DEDD2: variants seen among roughly 807,000 people sequenced by gnomAD.
The protein encoded by DEDD2 is death effector domain containing 2, also known as DNA-binding death effector domain-containing protein 2.
DEDD2 carries 18 observed loss-of-function variants against 28.9 expected under a neutral mutation model. The ratio of observed to expected loss-of-function variants is 0.62; its 90% CI spans 0.43 to 0.92. The LOEUF (loss-of-function observed/expected upper bound fraction) is 0.92. Ranked by LOEUF, DEDD2 falls within the 40% of genes least tolerant of loss-of-function variation. The pLI is 0.00. For synonymous variants in DEDD2, 211 were observed against 206.1 expected, an observed-to-expected ratio of 1.02 and a Z score of -0.20; for missense variants, 411 against 463.3, an observed-to-expected ratio of 0.89 and a Z score of 1.04.
At chr19:42,218,245 C>T (rs1788999167), upstream of DEDD2, among the ~76,000 whole-genome samples, 1 of 150,908 alleles carries the variant, frequency 6.6e-6, no homozygotes, top group South Asian at 2.1e-4. Context: ...CCCACCACCA[C>T]CCCCGCAGTC....
Position 42,217,024 on chromosome 19 carries a change from C to A in DEDD2, c.-17G>T, listed in dbSNP as rs773779018. ...TAGCGCCATTCCCGGGGGAGGGAGG[C>A]GGAACAAGCTCAGAACCCGGCCTAG... On this transcript the variant is annotated 5_prime_UTR_variant, in exon 2 of 5. Transcript: ENST00000596251. 3.2e-6 allele frequency: 5 copies of A among 1,563,910 alleles called. No homozygotes were observed. The Admixed American group carries it at 5.7e-5, about 18-fold the overall frequency.
chr19:42,216,884 G>C lies in DEDD2; in HGVS notation c.124C>G (p.Leu42Val), dbSNP rs147223526. ...TCCAGCAGAAAGGCCAGGAGCTCCA[G>C]CTCGCACTCGGTCAGTTGCCCGCCC... is the stretch of plus-strand genomic sequence containing the variant. ...VVGGQLTECELELLAFLLDEA... is the reference protein window; with the variant it reads ...VVGGQLTECEVELLAFLLDEA... The change falls in exon 2 of 5, where the codon CTG becomes GTG. Residue 42 changes from leucine (L) to valine (V), a missense_variant. Leu to Val is a conservative substitution (Grantham distance 32). Transcript: ENST00000596251. The C allele has an allele frequency of 1.3e-6, 2 of 1,598,152 alleles. No homozygotes were observed. The highest frequency in any genetic ancestry group is 1.3e-5 in the African/African-American group (1 of 74,438).
chr19:42,199,365 G>T lies in DEDD2; in HGVS notation c.*73C>A. On this transcript the variant is annotated 3_prime_UTR_variant, in exon 5 of 5. Transcript: ENST00000596251. The surrounding 1 kb of genome is among the most constrained non-coding windows in gnomAD (Gnocchi z 7.4). ...ATGCTAGAGTGACAGTCCTCTAGGG[G>T]TAGAGATGGTCGTCCTCCCAGGAGA... The T allele has an allele frequency of 2.0e-6, 3 of 1,465,342 alleles. No individual in the cohort carries two copies. Among genetic ancestry groups the T allele is most frequent in the Non-Finnish European group, 2.7e-6 (3 of 1,113,398 alleles). 90.8% of individuals were successfully genotyped at this position (1,465,342 alleles called of 1,614,324 possible). A position where few individuals can be genotyped will look rare whatever the true frequency, so the allele number is the denominator to read the frequency against.
intron 3 of DEDD2, among the ~76,000 whole-genome samples, chr19:42,210,652 C>CAAAT (rs1449150648): frequency 6.6e-6 from 1 of 152,088 alleles, no homozygotes; most frequent in Non-Finnish European, 1.5e-5. Flanking sequence ...CCTCGGCCTC[C>CAAAT]CAAAGTGCTG....
chr19:42,213,086 A>G (rs1296569222), intron 3 of DEDD2, among the ~76,000 whole-genome samples: 1 of 152,220 alleles, frequency 6.6e-6, no homozygotes, highest in Non-Finnish European at 1.5e-5. Context: ...AGCCCAGGAC[A>G]TCTTGCAGTG....
intron 2 of DEDD2, among the ~76,000 whole-genome samples, chr19:42,216,367 G>A (rs2035967951): frequency 6.6e-6 from 1 of 152,240 alleles, no homozygotes; most frequent in Non-Finnish European, 1.5e-5. Flanking sequence ...AGTGAAGACA[G>A]TAACAGGACT....
At position 42,199,711 on chromosome 19, in the gene DEDD2, G is replaced by A. The variant is rs776679879; in HGVS notation, c.708C>T (p.Thr236=). Residue 236 remains threonine (T), a synonymous_variant, in exon 5 of 5, where the codon ACC becomes ACT. Transcript: ENST00000596251. This position sits in a 1 kb window ranked among gnomAD's most constrained non-coding sequence, Gnocchi z 7.4. ...ARQLDVFGQA[T]AVLRSRDLGS... is the part of the protein sequence containing the mutation. ...CCAGGTCCCTTGAGCGCAGCACTGCGGTGGCCTGCCCAAACACGTCCAGCT... is the reference window on the plus strand; with the variant it reads ...CCAGGTCCCTTGAGCGCAGCACTGCAGTGGCCTGCCCAAACACGTCCAGCT... The A allele has an allele frequency of 8.7e-6, 14 of 1,613,940 alleles. No homozygotes were observed. The highest frequency in any genetic ancestry group is 3.3e-5 in the South Asian group (3 of 91,090).
In DEDD2 at chr19:42,216,773, C is replaced by T; in HGVS notation, c.235G>A (p.Asp79Asn). The T allele has an allele frequency of 6.3e-7, 1 of 1,590,530 alleles. No homozygotes were observed. The highest frequency in any genetic ancestry group is 1.1e-5 in the South Asian group (1 of 88,596). Reference protein sequence around the residue: ...LLELERRGQCDESNLRLLGQL... With the variant: ...LLELERRGQCNESNLRLLGQL... Reference sequence around the variant, plus strand: ...CCCAGCAGCCGCAGGTTGCTCTCGTCGCACTGCCCGCGGCGCTCCAGCTCC... The same window carrying T: ...CCCAGCAGCCGCAGGTTGCTCTCGTTGCACTGCCCGCGGCGCTCCAGCTCC... The change falls in exon 2 of 5, where the codon GAC (aspartate) becomes AAC (asparagine). Residue 79 changes from aspartate to asparagine, a missense_variant. Transcript: ENST00000596251.
intron 3 of DEDD2, among the ~76,000 whole-genome samples, chr19:42,212,546 C>T (rs1485808440): frequency 1.3e-5 from 2 of 151,108 alleles, no homozygotes; most frequent in Non-Finnish European, 3.0e-5. Context: ...CTCACTGCAA[C>T]CTCCACCTTC....
At position 42,199,696 on chromosome 19, in the gene DEDD2, T is replaced by C; in HGVS notation, c.723A>G (p.Ser241=). ...VFGQATAVLR[S]RDLGSVVCDI... ...CACAAACCACAGAGCCCAGGTCCCT[T>C]GAGCGCAGCACTGCGGTGGCCTGCC... Residue 241 remains serine (S), a synonymous_variant, in exon 5 of 5, where the codon TCA becomes TCG. Coordinates refer to ENST00000596251, the MANE Select transcript of DEDD2 (RefSeq NM_133328.4). The surrounding 1 kb of genome is among the most constrained non-coding windows in gnomAD (Gnocchi z 7.4). The C allele has an allele frequency of 6.2e-7, 1 of 1,614,120 alleles. No homozygotes were observed. Among genetic ancestry groups the C allele is most frequent in the Non-Finnish European group, 8.5e-7 (1 of 1,179,966 alleles).
chr19:42,212,087 T>C (rs961104329), intron 3 of DEDD2: 1 of 149,022 alleles, frequency 6.7e-6, no homozygotes, highest in South Asian at 2.1e-4. Context: ...AAAGTCTGGC[T>C]GGGAGCAGTG....
chr19:42,199,430 G>C lies in DEDD2; in HGVS notation c.*8C>G. The C allele has an allele frequency of 6.3e-7, 1 of 1,591,346 alleles. No homozygotes were observed. Among genetic ancestry groups the C allele is most frequent in the Non-Finnish European group, 8.5e-7 (1 of 1,171,842 alleles). ...CTTGGAGGTGGGATCAATCCTGCCA[G>C]TCCTGGATCAGGAGGCCTCTGTCGG... On this transcript the variant is annotated 3_prime_UTR_variant, in exon 5 of 5. Transcript: ENST00000596251. The surrounding 1 kb of genome is among the most constrained non-coding windows in gnomAD (Gnocchi z 7.4).
upstream of DEDD2, among the ~76,000 whole-genome samples, chr19:42,219,275 G>C (rs2036085613): frequency 1.3e-5 from 2 of 150,918 alleles, no homozygotes; most frequent in Non-Finnish European, 2.9e-5. Context: ...TTGCACTCCA[G>C]TCCGGGCAAC....
rs534995445 is a variant in DEDD2, at chr19:42,199,852, T to A, written c.590-23A>T. On this transcript the variant is annotated intron_variant, in intron 4 of 4. Transcript: ENST00000596251. The surrounding 1 kb of genome is among the most constrained non-coding windows in gnomAD (Gnocchi z 7.4). ...TGTCTGCAGGGGAAGGAGGGATTTG[T>A]CAGGGAGGGGGCCAACACTAGACAC... 8.0e-5 allele frequency: 125 copies of A among 1,565,560 alleles called. 1 individual carries two copies. In the South Asian group the frequency reaches 1.3e-3, roughly 17 times the overall value.
chr19:42,214,009 C>G (rs1302859369), intron 3 of DEDD2, among the ~76,000 whole-genome samples: 1 of 152,172 alleles, frequency 6.6e-6, no homozygotes, highest in Admixed American at 6.5e-5. Context: ...ATCCTGATGT[C>G]TGTAATTTAC....
At chr19:42,219,089 G>A (rs1369986708), upstream of DEDD2, among the ~76,000 whole-genome samples, 1 of 152,188 alleles carries the variant, frequency 6.6e-6, no homozygotes, top group Non-Finnish European at 1.5e-5. Context: ...CGGATCACCT[G>A]AGGTCGGGAG....
chr19:42,214,491 G>C (rs887141161), intron 3 of DEDD2, among the ~76,000 whole-genome samples: 2 of 152,136 alleles, frequency 1.3e-5, no homozygotes, highest in African/African-American at 2.4e-5. Flanking sequence ...TGGCTGGCAT[G>C]ATGGCTCATG....
intron 4 of DEDD2, among the ~76,000 whole-genome samples, chr19:42,209,128 C>G (rs988677341): frequency 5.3e-5 from 8 of 152,110 alleles, no homozygotes; most frequent in African/African-American, 1.9e-4. Context: ...GTAATCCCAG[C>G]TACTTGGGAG....
chr19:42,208,655 G>A lies in DEDD2; in HGVS notation c.589+1045C>T, dbSNP rs542446444. Among the ~76,000 whole-genome samples the A allele has an allele frequency of 2.1e-3, 318 of 152,206 alleles. 5 individuals are homozygous for A. Among genetic ancestry groups the A allele is most frequent in the Non-Finnish European group, 2.8e-4 (19 of 68,000 alleles). On this transcript the variant is annotated intron_variant, in intron 4 of 4. Transcript: ENST00000596251. ...GTGGCCCGCGAGGCCAAGCTGCTCC[G>A]GCCCCAGCCTGGCTCCTCCACCTGC...
Sources: gnomAD v4.1 joint callset for allele counts (sites outside exome capture counted in the v4.1 genomes callset) on GRCh38, gnomAD v4.1.1 for gene constraint, Gnocchi (gnomAD v3.1) non-coding constraint, MANE v1.5 for transcripts, NCBI Gene and HGNC (gene_info 2026-07-23, HGNC 2026-07-21) for gene names.